Variants in CACNA2D1 observed in about 807,000 individuals in gnomAD.
CACNA2D1 encodes calcium voltage-gated channel auxiliary subunit alpha2delta 1, also known as voltage-dependent calcium channel subunit alpha-2/delta-1.
In CACNA2D1, 53 loss-of-function variants were observed where a neutral mutation model predicts 171.5. That is an observed-to-expected ratio of 0.31 (90% CI 0.25 to 0.39). CACNA2D1 has a LOEUF of 0.39. Ranked by LOEUF, CACNA2D1 falls within the 10% of genes least tolerant of loss-of-function variation. The probability of loss-of-function intolerance (pLI) is 1.00; values close to 1 mark genes in which losing one functional copy is unlikely to be tolerated. For missense variants in CACNA2D1, 903 were observed against 1,299.8 expected, an observed-to-expected ratio of 0.69 and a Z score of 4.69; for synonymous variants, 442 against 443.1, an observed-to-expected ratio of 1.00 and a Z score of 0.03.
intron 3 of CACNA2D1, among the ~76,000 whole-genome samples, chr7:82,212,470 G>A (rs1348001025): frequency 6.6e-6 from 1 of 152,192 alleles, no homozygotes; most frequent in Non-Finnish European, 1.5e-5. Flanking sequence ...TTGACAAGAA[G>A]TATTTCATTT....
At chr7:81,967,327 A>C in intron 30 of CACNA2D1, 120 bp from the exon 31 acceptor site, 1 of 855,680 alleles carries the variant, frequency 1.2e-6, no homozygotes. Flanking sequence ...AAGATTAAAC[A>C]GTCTAGTCTA....
At chr7:82,319,755 G>C (rs958469255) in intron 3 of CACNA2D1, among the ~76,000 whole-genome samples, 1 of 152,178 alleles carries the variant, frequency 6.6e-6, no homozygotes, top group East Asian at 1.9e-4. Context: ...GGGGTGACTG[G>C]TTCACAATAG....
intron 21 of CACNA2D1, among the ~76,000 whole-genome samples, chr7:81,986,459 A>G (rs1796981039): frequency 6.6e-6 from 1 of 152,096 alleles, no homozygotes; most frequent in Non-Finnish European, 1.5e-5. Context: ...TTGGGACTGG[A>G]TATCCTAACA....
chr7:82,225,853 A>G (rs906523273), intron 3 of CACNA2D1, among the ~76,000 whole-genome samples: 2 of 152,208 alleles, frequency 1.3e-5, no homozygotes, highest in African/African-American at 4.8e-5. Context: ...ATTTAATTGA[A>G]TATCAATGCA....
chr7:81,961,466 GT>G (rs1397713781), intron 36 of CACNA2D1, among the ~76,000 whole-genome samples: 4 of 151,222 alleles, frequency 2.6e-5, no homozygotes, highest in African/African-American at 9.7e-5. Flanking sequence ...TTGTAAATCT[GT>G]TTAGTTACTA....
intron 3 of CACNA2D1, among the ~76,000 whole-genome samples, chr7:82,220,273 AT>A (rs1410213037): frequency 6.6e-6 from 1 of 152,038 alleles, no homozygotes; most frequent in African/African-American, 2.4e-5. Flanking sequence ...GACGGTAATT[AT>A]TTTTTTTAAA....
chr7:82,299,165 G>C (rs1812683586), intron 3 of CACNA2D1, among the ~76,000 whole-genome samples: 1 of 151,422 alleles, frequency 6.6e-6, no homozygotes, highest in Non-Finnish European at 1.5e-5. Context: ...CAAACATGTT[G>C]TTAACATTAA....
chr7:82,336,484 A>G (rs115698329), intron 2 of CACNA2D1, among the ~76,000 whole-genome samples: 2,722 of 152,272 alleles, frequency 0.018, 84 homozygotes, highest in African/African-American at 0.062. Flanking sequence ...TCACACTATG[A>G]GATTTTACCA....
intron 1 of CACNA2D1, among the ~76,000 whole-genome samples, chr7:82,411,727 C>T (rs1227505426): frequency 1.3e-5 from 2 of 152,000 alleles, no homozygotes; most frequent in Admixed American, 6.6e-5. Flanking sequence ...GGAATTTTTC[C>T]TGAGTAGCAG....
chr7:82,329,206 A>C (rs1816993962), intron 3 of CACNA2D1, among the ~76,000 whole-genome samples: 1 of 152,166 alleles, frequency 6.6e-6, no homozygotes, highest in South Asian at 2.1e-4. Flanking sequence ...TTTAAAAATC[A>C]CTTGAAAACA....
intron 4 of CACNA2D1, among the ~76,000 whole-genome samples, chr7:82,153,236 T>G (rs10272958): frequency 2.2e-4 from 33 of 151,538 alleles, no homozygotes; most frequent in Non-Finnish European, 4.7e-4. Flanking sequence ...CCACCAGTTA[T>G]TCTGTTGAGA....
intron 8 of CACNA2D1, among the ~76,000 whole-genome samples, chr7:82,065,180 T>C (rs1447718503): frequency 1.3e-5 from 2 of 152,174 alleles, no homozygotes; most frequent in East Asian, 3.9e-4. Flanking sequence ...CCAGTTAACT[T>C]TCCAATTAGT....
At chr7:82,174,258 C>G (rs1215710658) in intron 3 of CACNA2D1, among the ~76,000 whole-genome samples, 1 of 151,514 alleles carries the variant, frequency 6.6e-6, no homozygotes, top group Non-Finnish European at 1.5e-5. Context: ...GAGCACCACA[C>G]AGAAATAAAA....
intron 1 of CACNA2D1, among the ~76,000 whole-genome samples, chr7:82,442,755 G>A (rs1157733517): frequency 6.6e-6 from 1 of 152,216 alleles, no homozygotes; most frequent in East Asian, 1.9e-4. Flanking sequence ...TGGGGAGGTT[G>A]GATCGCGTGG....
At chr7:82,080,291 C>T (rs1287813919) in intron 7 of CACNA2D1, among the ~76,000 whole-genome samples, 1 of 151,822 alleles carries the variant, frequency 6.6e-6, no homozygotes, top group Non-Finnish European at 1.5e-5. Context: ...GGTTCTAGTT[C>T]CTGCAAAATA....
At chr7:82,103,653 ATT>A (rs1385822475) in intron 6 of CACNA2D1, among the ~76,000 whole-genome samples, 3 of 138,498 alleles carry the variant, frequency 2.2e-5, no homozygotes, top group African/African-American at 7.7e-5. Context: ...CCAAATAAAC[ATT>A]TGTGTGTGTA....
chr7:81,981,131 A>G lies in CACNA2D1; in HGVS notation c.1955+1436T>C, dbSNP rs987976808. ...ATATAGATTTGGGAATTATGAACCT[A>G]ACCTGTAGGCAGAGAACACATGGGT... On this transcript the variant is annotated intron_variant, in intron 24 of 38. Transcript: ENST00000356860. Among the ~76,000 whole-genome samples, 10 of 152,236 alleles carry G rather than the reference A, an allele frequency of 6.6e-5. No individual in the cohort carries two copies. The East Asian group carries it at 1.7e-3, about 26-fold the overall frequency.
In CACNA2D1 at chr7:82,032,894, A is replaced by G. The variant is rs752441652; in HGVS notation, c.1046T>C (p.Val349Ala). The G allele has an allele frequency of 9.5e-6, 15 of 1,571,052 alleles. No individual in the cohort carries two copies. In the Admixed American group the frequency reaches 2.3e-4, roughly 25 times the overall value. ...FAFEQLLNYN[V>A]SRANCNKIIM... ...AATCTTATTGCAGTTTGCTCTGGAA[A>G]CATTATACTGTTAAAAACAAAACCA... Residue 349 changes from valine to alanine, a missense_variant, in exon 12 of 39, where the codon GTT (valine) becomes GCT (alanine). This residue lies in a region of CACNA2D1 where 623 missense variants were observed against 925.5 expected (regional missense o/e 0.67). Coordinates refer to ENST00000356860, the MANE Select transcript of CACNA2D1 (RefSeq NM_000722.4).
At position 82,129,660 on chromosome 7, in the gene CACNA2D1, C is replaced by A. The variant is rs1790731493; in HGVS notation, c.396+6975G>T. Among the ~76,000 whole-genome samples the A allele has an allele frequency of 2.6e-5, 4 of 152,122 alleles. No homozygotes were observed. In the South Asian group the frequency reaches 6.2e-4, roughly 24 times the overall value. ...AATGTTGTTTTTCTGCCTGACATAT[C>A]TGAAGTAATACTATCTTAGAGAAGA... On this transcript the variant is annotated intron_variant, in intron 5 of 38. Coordinates refer to ENST00000356860, the MANE Select transcript of CACNA2D1 (RefSeq NM_000722.4).
Sources: gnomAD v4.1 joint callset for allele counts (sites outside exome capture counted in the v4.1 genomes callset) on GRCh38, gnomAD v4.1.1 for gene constraint, gnomAD v4.1.1 regional missense constraint, MANE v1.5 for transcripts, NCBI Gene and HGNC (gene_info 2026-07-23, HGNC 2026-07-21) for gene names.